PKHD1L1: variants seen among roughly 807,000 people sequenced by gnomAD.
PKHD1L1 encodes fibrocystin-L.
Under a neutral mutation model 462.9 loss-of-function variants are expected in PKHD1L1, and 434 were observed. That is an observed-to-expected ratio of 0.94 (90% CI 0.87 to 1.02). The LOEUF is 1.02. Among genes scored for constraint, PKHD1L1 ranks in the 50% least tolerant of loss-of-function variants. The pLI is 0.00. For missense variants in PKHD1L1, 5,202 were observed against 5,096.1 expected (o/e 1.02, Z -0.63); for synonymous variants, 1,781 against 1,750.0 (o/e 1.02, Z -0.44).
chr8:109,405,256 C>A, intron 16 of PKHD1L1, 126 bp downstream of exon 16: 2 of 564,490 alleles, frequency 3.5e-6, no homozygotes, highest in Non-Finnish European at 5.5e-6. Flanking sequence ...GACAAAGAAG[C>A]AGAAAAATGT....
At chr8:109,507,555 T>C (rs1819751349) in intron 68 of PKHD1L1, 108 bp from the exon 69 acceptor site, 1 of 924,908 alleles carries the variant, frequency 1.1e-6, no homozygotes, top group South Asian at 1.7e-5. Flanking sequence ...CTCTCTGAAA[T>C]AAAATTCAAT....
chr8:109,499,464 T>C (rs957584908), intron 67 of PKHD1L1, among the ~76,000 whole-genome samples: 3 of 152,204 alleles, frequency 2.0e-5, no homozygotes, highest in African/African-American at 7.2e-5. Flanking sequence ...GCAACACTTT[T>C]AAGTGTTAAT....
chr8:109,443,782 A>G lies in PKHD1L1; in HGVS notation c.4671A>G (p.Leu1557=), dbSNP rs1425851606. 5 of 1,613,814 alleles carry G rather than the reference A, an allele frequency of 3.1e-6. No individual in the cohort carries two copies. The highest frequency in any genetic ancestry group is 4.2e-6 in the Non-Finnish European group (5 of 1,179,760). Residue 1557 remains leucine (L), a synonymous_variant, in exon 37 of 78, where the codon CTA becomes CTG. Transcript: ENST00000378402. Reference sequence around the variant, plus strand: ...GGGTTAAAAATTCAAAAAGATTGCTATTTGAGGTTTCAAGTTGTTTTTCAC... The same window carrying G: ...GGGTTAAAAATTCAAAAAGATTGCTGTTTGAGGTTTCAAGTTGTTTTTCAC... ...NTRVKNSKRL[L]FEVSSCFSPS...
At chr8:109,410,931 G>A (rs1029647909) in intron 19 of PKHD1L1, among the ~76,000 whole-genome samples, 6 of 151,522 alleles carry the variant, frequency 4.0e-5, no homozygotes, top group African/African-American at 1.2e-4. Context: ...GTTTCACAAT[G>A]TTGGCCAGGA....
chr8:109,374,443 A>G (rs1398337001), intron 2 of PKHD1L1, among the ~76,000 whole-genome samples: 3 of 151,898 alleles, frequency 2.0e-5, no homozygotes, highest in Non-Finnish European at 4.4e-5. Context: ...ATGGGTCTTG[A>G]CTCTTTATCC....
rs1815813910 is a variant in PKHD1L1 at position 109,441,916 on chromosome 8, TAC to T, written c.4205-90_4205-89del. ...TTAGTGTTGATTAAAATGTTTTCAC[TAC>T]TGACTGTATATAAATTGCCATGTTG... On this transcript the variant is annotated intron_variant, in intron 34 of 77. Transcript: ENST00000378402. 2.8e-6 allele frequency: 3 copies of T among 1,078,322 alleles called. No homozygotes were observed. The Admixed American group carries it at 9.9e-5, about 36-fold the overall frequency. 66.8% of individuals were successfully genotyped at this position (1,078,322 alleles called of 1,614,324 possible). A position where few individuals can be genotyped will look rare whatever the true frequency, so the allele number is the denominator to read the frequency against.
intron 61 of PKHD1L1, among the ~76,000 whole-genome samples, chr8:109,491,590 A>G (rs1369107133): frequency 6.6e-6 from 1 of 151,846 alleles, no homozygotes; most frequent in Non-Finnish European, 1.5e-5. Flanking sequence ...ATGTATATGA[A>G]AGCTGTGGGT....
chr8:109,434,113 A>G (rs1346009446), intron 28 of PKHD1L1, among the ~76,000 whole-genome samples: 2 of 152,082 alleles, frequency 1.3e-5, no homozygotes, highest in African/African-American at 4.8e-5. Context: ...GTTGGGGGCT[A>G]GGGGAGGGAT....
intron 67 of PKHD1L1, among the ~76,000 whole-genome samples, chr8:109,502,399 C>A (rs1406583738): frequency 2.0e-5 from 3 of 152,154 alleles, no homozygotes; most frequent in African/African-American, 7.2e-5. Flanking sequence ...GCAAGCAGAG[C>A]AGGAAGTTAC....
Position 109,518,352 on chromosome 8 carries a change from G to A in PKHD1L1, c.11875G>A (p.Val3959Ile), listed in dbSNP as rs1820378395. Residue 3959 changes from valine (V) to isoleucine (I), a missense_variant, in exon 73 of 78, where the codon GTT becomes ATT. Physicochemically the swap from Val to Ile is conservative, Grantham distance 29. Transcript: ENST00000378402. Reference protein sequence around the residue: ...EDDFYTSHNLVKNLALFLKIP... With the variant: ...EDDFYTSHNLIKNLALFLKIP... ...TGACTTTTATACCTCTCACAATCTG[G>A]TTAAAAATCTTGCCTTGTTCCTAAA... 1.2e-6 allele frequency: 2 copies of A among 1,613,222 alleles called. No individual in the cohort carries two copies. The highest frequency in any genetic ancestry group is 1.3e-5 in the African/African-American group (1 of 74,854).
chr8:109,452,204 G>A lies in PKHD1L1; in HGVS notation c.6431G>A (p.Cys2144Tyr). ...TATTCCAACAAGACACACATCATCTGCATGACAGATGCCCATACTCTATCA... is the reference window on the plus strand; with the variant it reads ...TATTCCAACAAGACACACATCATCTACATGACAGATGCCCATACTCTATCA... ...VEYSNKTHIICMTDAHTLSGW... is the reference protein window; with the variant it reads ...VEYSNKTHIIYMTDAHTLSGW... Residue 2144 changes from cysteine (C) to tyrosine (Y), a missense_variant, in exon 42 of 78, where the codon TGC (cysteine) becomes TAC (tyrosine). Physicochemically the swap from Cys to Tyr is radical, Grantham distance 194 (BLOSUM62 -2). This residue lies in a region of PKHD1L1 where 4,497 missense variants were observed against 4,336.8 expected (regional missense o/e 1.04). Transcript: ENST00000378402. 6.2e-7 allele frequency: 1 copy of A among 1,613,238 alleles called. No individual in the cohort carries two copies. Among genetic ancestry groups the A allele is most frequent in the Non-Finnish European group, 8.5e-7 (1 of 1,179,546 alleles).
chr8:109,460,307 T>C (rs1326216090), intron 47 of PKHD1L1, among the ~76,000 whole-genome samples: 1 of 152,296 alleles, frequency 6.6e-6, no homozygotes, highest in Middle Eastern at 3.4e-3. Flanking sequence ...TCAGAGCTTT[T>C]TTAATTTTCC....
chr8:109,451,391 G>C (rs1440232546), intron 41 of PKHD1L1, among the ~76,000 whole-genome samples: 1 of 152,068 alleles, frequency 6.6e-6, no homozygotes, highest in African/African-American at 2.4e-5. Flanking sequence ...TTTTTACCTC[G>C]TTTTATGGTT....
rs961289166 is a variant in PKHD1L1 at position 109,536,164 on chromosome 8, A to T, written c.*6074A>T. ...TTGTGAGCTAAAGGGGATTGTACTGATCTTGAAGATAACAAATCTGCCTGC... is the reference window on the plus strand; with the variant it reads ...TTGTGAGCTAAAGGGGATTGTACTGTTCTTGAAGATAACAAATCTGCCTGC... On this transcript the variant is annotated 3_prime_UTR_variant, in exon 78 of 78. Coordinates refer to ENST00000378402, the MANE Select transcript of PKHD1L1 (RefSeq NM_177531.6). Among the ~76,000 whole-genome samples the T allele has an allele frequency of 1.3e-5, 2 of 152,210 alleles. No individual in the cohort carries two copies. Among genetic ancestry groups the T allele is most frequent in the Non-Finnish European group, 2.9e-5 (2 of 68,032 alleles).
chr8:109,477,450 T>G, intron 53 of PKHD1L1, 54 bp downstream of exon 53: 2 of 1,449,424 alleles, frequency 1.4e-6, no homozygotes, highest in Non-Finnish European at 1.9e-6. Context: ...CATAATCCTT[T>G]TCACATGTCA....
At chr8:109,442,628 C>G (rs186743225) in intron 35 of PKHD1L1, among the ~76,000 whole-genome samples, 6 of 152,086 alleles carry the variant, frequency 3.9e-5, no homozygotes, top group Middle Eastern at 3.4e-3. Flanking sequence ...AGATTTTGAA[C>G]CTTTCACTCA....
chr8:109,503,015 A>G (rs1489437760), intron 67 of PKHD1L1, among the ~76,000 whole-genome samples: 1 of 152,166 alleles, frequency 6.6e-6, no homozygotes, highest in African/African-American at 2.4e-5. Flanking sequence ...TTTAGAGAAG[A>G]CAGCAGCTGG....
At chr8:109,504,286 C>T in intron 67 of PKHD1L1, 41 bp from the exon 68 acceptor site, 1 of 1,246,678 alleles carries the variant, frequency 8.0e-7, no homozygotes, top group Non-Finnish European at 1.1e-6. Context: ...TTATCACTTT[C>T]TTTAGAGAAA....
chr8:109,394,811 C>T (rs1402910521), intron 10 of PKHD1L1, among the ~76,000 whole-genome samples: 2 of 152,198 alleles, frequency 1.3e-5, no homozygotes, highest in Non-Finnish European at 2.9e-5. Flanking sequence ...TAACCAAAAC[C>T]AGTATAGATG....
Sources: allele counts gnomAD v4.1 joint callset (sites outside exome capture counted in the v4.1 genomes callset), GRCh38; gene constraint gnomAD v4.1.1; regional missense constraint gnomAD v4.1.1; transcripts MANE v1.5; gene names NCBI Gene and HGNC (gene_info 2026-07-23, HGNC 2026-07-21).